SLC4A5: variants seen among roughly 807,000 people sequenced by gnomAD.
SLC4A5 encodes the protein solute carrier family 4 member 5.
A neutral mutation model predicts 120.4 loss-of-function variants in SLC4A5; 96 were observed. The ratio of observed to expected loss-of-function variants is 0.80; its 90% confidence interval spans 0.68 to 0.94. The LOEUF (loss-of-function observed/expected upper bound fraction) is 0.94, where lower values mean the gene tolerates loss of function less well. SLC4A5 is among the 40% of genes least tolerant of loss of function. SLC4A5 has a pLI of 0.00. For synonymous variants in SLC4A5, 550 were observed against 571.1 expected, an observed-to-expected ratio of 0.96 and a Z score of 0.53; for missense variants, 1,259 against 1,459.5, an observed-to-expected ratio of 0.86 and a Z score of 2.24.
intron 3 of SLC4A5, among the ~76,000 whole-genome samples, chr2:74,338,262 G>C (rs946554673): frequency 2.0e-5 from 3 of 152,198 alleles, no homozygotes; most frequent in African/African-American, 7.2e-5. Context: ...GGAGACACAT[G>C]GATGGGGGTT....
At chr2:74,318,429 A>C (rs978027885) in intron 5 of SLC4A5, among the ~76,000 whole-genome samples, 6 of 152,240 alleles carry the variant, frequency 3.9e-5, no homozygotes, top group African/African-American at 1.4e-4. Flanking sequence ...TCATGCCTGT[A>C]ATCCCAGCAC....
At position 74,250,467 on chromosome 2, in the gene SLC4A5, G is replaced by A. The variant is rs1207390221; in HGVS notation, c.1529C>T (p.Pro510Leu). The A allele has an allele frequency of 1.9e-6, 3 of 1,614,074 alleles. No individual in the cohort carries two copies. The African/African-American group carries it at 4.0e-5, about 22-fold the overall frequency. Residue 510 changes from proline (P) to leucine (L), a missense_variant, in exon 17 of 31, where the codon CCA (proline) becomes CTA (leucine). Coordinates refer to ENST00000394019, the Ensembl canonical transcript of SLC4A5. Reference sequence around the variant, plus strand: ...GTGGAAGCCATCATAGAAGTCACTTGGGAACCAGGGCAACTTCCTCTTGAT... The same window carrying A: ...GTGGAAGCCATCATAGAAGTCACTTAGGAACCAGGGCAACTTCCTCTTGAT...
intron 24 of SLC4A5, among the ~76,000 whole-genome samples, 176 bp from the exon 25 acceptor site, chr2:74,231,484 G>C (rs1670077970): frequency 6.6e-6 from 1 of 152,192 alleles, no homozygotes; most frequent in Non-Finnish European, 1.5e-5. Context: ...TGGGAAGACA[G>C]GCGGCCCCTG....
intron 8 of SLC4A5, among the ~76,000 whole-genome samples, chr2:74,272,289 A>G (rs1484723031): frequency 6.6e-6 from 1 of 152,160 alleles, no homozygotes; most frequent in Non-Finnish European, 1.5e-5. Flanking sequence ...TCATTCTGCT[A>G]TATACTACTT....
intron 4 of SLC4A5, among the ~76,000 whole-genome samples, chr2:74,333,038 T>G (rs1374698616): frequency 6.6e-6 from 1 of 152,052 alleles, no homozygotes; most frequent in Non-Finnish European, 1.5e-5. Flanking sequence ...CATGCACTGG[T>G]CTTGGGGAAA....
chr2:74,287,976 C>T (rs1672036826), intron 7 of SLC4A5, among the ~76,000 whole-genome samples: 1 of 152,134 alleles, frequency 6.6e-6, no homozygotes, highest in African/African-American at 2.4e-5. Flanking sequence ...TCCATCTCCT[C>T]CTTGCCCAAT....
Position 74,227,133 on chromosome 2 carries a change from A to C in SLC4A5, c.2917-3T>G. The stretch of plus-strand genomic sequence containing the variant: ...AAGAGCTTGCAGCGTTCCCAGAACT[A>C]GGGGGACAGCGGGGGCTCAGCCAGG... On this transcript the variant is annotated splice_polypyrimidine_tract_variant and splice_region_variant and intron_variant, in intron 26 of 30. Coordinates refer to ENST00000394019, the Ensembl canonical transcript of SLC4A5. The C allele has an allele frequency of 1.2e-6, 2 of 1,607,224 alleles. No homozygotes were observed. Among genetic ancestry groups the C allele is most frequent in the Non-Finnish European group, 1.7e-6 (2 of 1,176,838 alleles).
At chr2:74,219,102 AAC>A (rs1230269070) in intron 30 of SLC4A5, among the ~76,000 whole-genome samples, 5 of 150,626 alleles carry the variant, frequency 3.3e-5, no homozygotes, top group South Asian at 4.2e-4. Context: ...CACAAACACA[AAC>A]ACAGTCTTCT....
At chr2:74,329,795 T>A (rs868829924) in intron 4 of SLC4A5, among the ~76,000 whole-genome samples, 2 of 151,386 alleles carry the variant, frequency 1.3e-5, no homozygotes, top group Non-Finnish European at 2.9e-5. Context: ...TATATGGAAG[T>A]GATCAGATGT....
chr2:74,224,812 C>T, intron 28 of SLC4A5, 28 bp downstream of exon 28: 1 of 1,595,484 alleles, frequency 6.3e-7, no homozygotes, highest in South Asian at 1.1e-5. Context: ...AATTTCTCCT[C>T]TGTGCCCCGG....
chr2:74,227,953 G>T lies in SLC4A5; in HGVS notation c.2848-75C>A, dbSNP rs569369989. ...GGCCACCCTGTTCTGGATGACAGTG[G>T]CTCCTGACCACAGAGGCAGCTAGGA... On this transcript the variant is annotated intron_variant, in intron 25 of 30. Transcript: ENST00000394019. 6.7e-5 allele frequency: 74 copies of T among 1,106,098 alleles called. No individual in the cohort carries two copies. The African/African-American group carries it at 1.1e-3, about 16-fold the overall frequency. The allele number at this position is 1,106,098 out of a possible 1,614,324, so 68.5% of individuals were successfully genotyped here. A position where few individuals can be genotyped will look rare whatever the true frequency, so the allele number is the denominator to read the frequency against.
At chr2:74,258,805 C>T (rs889296068) in intron 12 of SLC4A5, among the ~76,000 whole-genome samples, 11 of 152,134 alleles carry the variant, frequency 7.2e-5, no homozygotes, top group African/African-American at 2.4e-4. Context: ...TATTTGTGCC[C>T]GGGACACTGA....
chr2:74,264,673 T>C (rs1358327444), intron 9 of SLC4A5, among the ~76,000 whole-genome samples: 1 of 152,106 alleles, frequency 6.6e-6, no homozygotes, highest in African/African-American at 2.4e-5. Context: ...TCTGGCAAAA[T>C]CCAATGTGCT....
At chr2:74,232,386 C>G (rs1670118854) in intron 24 of SLC4A5, 83 bp downstream of exon 24, 1 of 1,519,670 alleles carries the variant, frequency 6.6e-7, no homozygotes, top group African/African-American at 1.4e-5. Context: ...TGTCCAAATC[C>G]TTTTGTGGCA....
chr2:74,264,472 C>T (rs1430069666), intron 9 of SLC4A5, among the ~76,000 whole-genome samples, 173 bp from the exon 10 acceptor site: 2 of 132,170 alleles, frequency 1.5e-5, no homozygotes, highest in African/African-American at 6.1e-5. Flanking sequence ...CTCTTGGCCT[C>T]CTCCTGTTCA....
intron 8 of SLC4A5, among the ~76,000 whole-genome samples, chr2:74,268,077 G>A (rs913623784): frequency 2.0e-5 from 3 of 151,830 alleles, no homozygotes; most frequent in African/African-American, 4.8e-5. Context: ...TGAAAATCTC[G>A]AGTAAGTTAC....
intron 8 of SLC4A5, among the ~76,000 whole-genome samples, chr2:74,278,420 T>C (rs1373689849): frequency 1.3e-5 from 2 of 152,208 alleles, no homozygotes. Flanking sequence ...GGACTTGTGC[T>C]TCCCCTGTCT....
exon 20 of SLC4A5, chr2:74,242,004 T>C (rs1007141843): frequency 1.1e-5 from 18 of 1,605,216 alleles, no homozygotes; most frequent in Admixed American, 1.7e-5. Flanking sequence ...CAGAGAAGCG[T>C]TGGTGTCTGG....
intron 11 of SLC4A5, among the ~76,000 whole-genome samples, chr2:74,260,382 T>C (rs374672920): frequency 2.0e-5 from 3 of 152,130 alleles, no homozygotes; most frequent in Admixed American, 1.3e-4. Flanking sequence ...TCTCATCCCC[T>C]CCAGGTGCCT....
Sources: allele counts gnomAD v4.1 joint callset (sites outside exome capture counted in the v4.1 genomes callset), GRCh38; gene constraint gnomAD v4.1.1; transcripts MANE v1.5; gene names NCBI Gene and HGNC (gene_info 2026-07-23, HGNC 2026-07-21).